The following KLHL1 variants were observed in gnomAD, a reference collection of about 807,000 sequenced individuals.
KLHL1 encodes kelch-like protein 1.
Under a neutral mutation model 77.7 loss-of-function variants are expected in KLHL1, and 47 were observed. The observed-to-expected ratio is 0.60, with a 90% CI of 0.48 to 0.77. The LOEUF (loss-of-function observed/expected upper bound fraction) is 0.77, where lower values mean the gene tolerates loss of function less well. Among genes scored for constraint, KLHL1 ranks in the 30% least tolerant of loss-of-function variants. The pLI is 0.00. For missense variants in KLHL1, 925 were observed against 910.8 expected (o/e 1.02, Z -0.20); for synonymous variants, 360 against 325.2 (o/e 1.11, Z -1.15).
chr13:70,056,318 C>T (rs1290439928), intron 1 of KLHL1, among the ~76,000 whole-genome samples: 1 of 151,998 alleles, frequency 6.6e-6, no homozygotes, highest in Non-Finnish European at 1.5e-5. Context: ...GCACTGAATA[C>T]TGGGACACCC....
chr13:69,886,042 A>G (rs1881204200), intron 4 of KLHL1, among the ~76,000 whole-genome samples: 1 of 152,186 alleles, frequency 6.6e-6, no homozygotes, highest in African/African-American at 2.4e-5. Flanking sequence ...ATTGGTGGGA[A>G]ATAACATTGA....
intron 1 of KLHL1, among the ~76,000 whole-genome samples, chr13:69,976,521 T>C (rs1255141190): frequency 6.6e-6 from 1 of 152,084 alleles, no homozygotes; most frequent in African/African-American, 2.4e-5. Context: ...CTATACTCCA[T>C]CATAGGGAAG....
intron 8 of KLHL1, among the ~76,000 whole-genome samples, chr13:69,728,234 T>C (rs1434724544): frequency 1.3e-5 from 2 of 151,982 alleles, no homozygotes; most frequent in African/African-American, 4.8e-5. Context: ...GAATAAAAAA[T>C]AGAAACAGAG....
intron 1 of KLHL1, among the ~76,000 whole-genome samples, chr13:69,982,235 A>G (rs1355743308): frequency 6.6e-6 from 1 of 151,750 alleles, no homozygotes. Context: ...GGAGTTTGAG[A>G]CCAGCCTGGG....
chr13:69,941,969 A>T (rs1458246999), intron 3 of KLHL1, among the ~76,000 whole-genome samples: 4 of 151,870 alleles, frequency 2.6e-5, no homozygotes, highest in African/African-American at 9.7e-5. Flanking sequence ...AATTAAAAAA[A>T]CTCCCCCAAA....
rs566159206 is a variant in KLHL1, at chr13:70,073,686, A to C, written c.497+33517T>G. Among the ~76,000 whole-genome samples, 74 of 152,120 alleles carry C rather than the reference A, an allele frequency of 4.9e-4. 1 individual carries two copies. The South Asian group carries it at 0.015, about 31-fold the overall frequency. ...TAGCTGCTTGGGATGTTGAGGTAGG[A>C]GGATTGCTTGGGCCCAGCAGCTAGA... On this transcript the variant is annotated intron_variant, in intron 1 of 10. Transcript: ENST00000377844.
intron 1 of KLHL1, among the ~76,000 whole-genome samples, chr13:69,998,865 A>G (rs941178547): frequency 1.3e-5 from 2 of 151,864 alleles, no homozygotes; most frequent in African/African-American, 2.4e-5. Flanking sequence ...TGGAAAAGTC[A>G]TTTTTTTGTG....
At chr13:69,855,623 G>T (rs1309317341) in intron 5 of KLHL1, among the ~76,000 whole-genome samples, 1 of 151,410 alleles carries the variant, frequency 6.6e-6, no homozygotes, top group Admixed American at 6.6e-5. Context: ...GGCTCTCCCT[G>T]CTACACTCAG....
At chr13:69,743,188 T>C (rs549605575) in intron 7 of KLHL1, among the ~76,000 whole-genome samples, 2 of 152,182 alleles carry the variant, frequency 1.3e-5, no homozygotes, top group Non-Finnish European at 2.9e-5. Flanking sequence ...ATAAACTTAA[T>C]AAATTTGAAG....
intron 3 of KLHL1, among the ~76,000 whole-genome samples, chr13:69,959,672 C>T (rs527641275): frequency 4.0e-5 from 6 of 150,004 alleles, no homozygotes; most frequent in African/African-American, 1.5e-4. Context: ...TTTTTTTCCC[C>T]CCAAAGGCCT....
At chr13:69,975,174 C>T (rs996888156) in intron 2 of KLHL1, among the ~76,000 whole-genome samples, 1 of 151,754 alleles carries the variant, frequency 6.6e-6, no homozygotes, top group Non-Finnish European at 1.5e-5. Flanking sequence ...ATATGAAATA[C>T]CTTAATTTAT....
intron 7 of KLHL1, among the ~76,000 whole-genome samples, chr13:69,762,630 A>G (rs984167206): frequency 6.7e-6 from 1 of 150,020 alleles, no homozygotes; most frequent in African/African-American, 2.5e-5. Context: ...GGAACTGTGC[A>G]CCCATTGAAG....
chr13:70,085,224 A>G (rs1887506525), intron 1 of KLHL1, among the ~76,000 whole-genome samples: 1 of 151,850 alleles, frequency 6.6e-6, no homozygotes, highest in Admixed American at 6.6e-5. Flanking sequence ...AGAAAGAGAC[A>G]GAGAGAGAGA....
intron 4 of KLHL1, among the ~76,000 whole-genome samples, chr13:69,938,681 T>C (rs1384074004): frequency 6.6e-6 from 1 of 152,128 alleles, no homozygotes; most frequent in East Asian, 1.9e-4. Context: ...ATTATTTGTT[T>C]ACTTTGATTT....
At chr13:69,821,883 A>G (rs372687996) in intron 6 of KLHL1, among the ~76,000 whole-genome samples, 3 of 152,150 alleles carry the variant, frequency 2.0e-5, no homozygotes, top group South Asian at 4.1e-4. Context: ...AGGGATTTTT[A>G]TAGTTTTGTT....
At chr13:69,836,285 A>T (rs1023751543) in intron 6 of KLHL1, among the ~76,000 whole-genome samples, 1 of 152,118 alleles carries the variant, frequency 6.6e-6, no homozygotes, top group Non-Finnish European at 1.5e-5. Context: ...TGTCCCTCAG[A>T]AAAGAGAATG....
intron 7 of KLHL1, among the ~76,000 whole-genome samples, chr13:69,784,193 A>G (rs550796835): frequency 6.6e-6 from 1 of 152,198 alleles, no homozygotes; most frequent in Admixed American, 6.5e-5. Context: ...AGCACTAAAC[A>G]TGGAAAGGAA....
At chr13:69,920,100 T>C (rs189569360) in intron 4 of KLHL1, among the ~76,000 whole-genome samples, 1 of 108,440 alleles carries the variant, frequency 9.2e-6, no homozygotes, top group Non-Finnish European at 2.1e-5. Flanking sequence ...TACAATATTG[T>C]ATTATTATAA....
In KLHL1 at chr13:70,067,268, G is replaced by A. The variant is rs1026535278; in HGVS notation, c.497+39935C>T. ...AAGTACCCTCTACTCATTGTTTATT[G>A]TATGTAATACATTGAACTAATAGCA... On this transcript the variant is annotated intron_variant, in intron 1 of 10. Transcript: ENST00000377844. 3.3e-5 allele frequency among the ~76,000 whole-genome samples: 5 copies of A among 152,298 alleles called. 1 individual carries two copies. Among genetic ancestry groups the A allele is most frequent in the Admixed American group, 1.3e-4 (2 of 15,306 alleles).
Sources: allele counts gnomAD v4.1 joint callset (sites outside exome capture counted in the v4.1 genomes callset), GRCh38; gene constraint gnomAD v4.1.1; transcripts MANE v1.5; gene names NCBI Gene and HGNC (gene_info 2026-07-23, HGNC 2026-07-21).